Variants in EFNA2 observed in about 807,000 individuals in gnomAD.
The protein encoded by EFNA2 is ephrin-A2.
A neutral mutation model predicts 19.7 loss-of-function variants in EFNA2; 18 were observed. The ratio of observed to expected loss-of-function variants is 0.91; its 90% confidence interval spans 0.63 to 1.35. The LOEUF (loss-of-function observed/expected upper bound fraction) is 1.35, where lower values mean the gene tolerates loss of function less well. EFNA2 is among the 40% of genes most tolerant of loss of function. EFNA2 has a pLI of 0.00. For missense variants in EFNA2, 303 were observed against 296.0 expected (o/e 1.02, Z -0.17); for synonymous variants, 187 against 137.8 (o/e 1.36, Z -2.50).
At chr19:1,288,800 G>A (rs1158220302) in intron 1 of EFNA2, among the ~76,000 whole-genome samples, 3 of 152,056 alleles carry the variant, frequency 2.0e-5, no homozygotes, top group Non-Finnish European at 4.4e-5. Context: ...CTGGCTGGCC[G>A]GCCCCGCCAC....
rs2144627049 is a variant in EFNA2, at chr19:1,300,010, T to TCCGGAC, written c.*70_*75dup. On this transcript the variant is annotated 3_prime_UTR_variant, in exon 4 of 4. Transcript: ENST00000215368. ...CGCCTGGACCGCCTGACCTCGGCCC[T>TCCGGAC]CCGGACCCGGCTGCGGCCCCCGCCT... is the stretch of plus-strand genomic sequence containing the variant. The TCCGGAC allele has an allele frequency of 2.6e-6, 4 of 1,514,446 alleles. No individual in the cohort carries two copies. The African/African-American group carries it at 4.2e-5, about 16-fold the overall frequency. The allele number at this position is 1,514,446 out of a possible 1,614,324, so 93.8% of individuals were successfully genotyped here.
chr19:1,298,059 C>T (rs2144624540), intron 2 of EFNA2, among the ~76,000 whole-genome samples: 1 of 95,628 alleles, frequency 1.0e-5, no homozygotes, highest in Non-Finnish European at 1.9e-5. Context: ...GCGACAAGAG[C>T]AAAGCTCCAT....
chr19:1,299,391 T>C (rs2081529875), intron 3 of EFNA2, among the ~76,000 whole-genome samples: 1 of 151,822 alleles, frequency 6.6e-6, no homozygotes, highest in Non-Finnish European at 1.5e-5. Context: ...ACCCCGTCTC[T>C]GCTGAAAATA....
rs941555201 is a variant in EFNA2, at chr19:1,296,401, G to A, written c.454+543G>A. 6.6e-6 allele frequency among the ~76,000 whole-genome samples: 1 copy of A among 152,228 alleles called. No homozygotes were observed. The highest frequency in any genetic ancestry group is 2.4e-5 in the African/African-American group (1 of 41,460). On this transcript the variant is annotated intron_variant, in intron 2 of 3. Transcript: ENST00000215368. The surrounding 1 kb of genome is among the most constrained non-coding windows in gnomAD (Gnocchi z 4.4). ...TTGGTGGAAGCCACAGCTAGGCTGAGTGCTGGGGCTTACTCCTGCAATCCC... is the reference window on the plus strand; with the variant it reads ...TTGGTGGAAGCCACAGCTAGGCTGAATGCTGGGGCTTACTCCTGCAATCCC...
In EFNA2 at chr19:1,295,238, C is replaced by T. The variant is rs1175412199; in HGVS notation, c.141-307C>T. Among the ~76,000 whole-genome samples the T allele has an allele frequency of 1.3e-5, 2 of 152,146 alleles. No individual in the cohort carries two copies. The highest frequency in any genetic ancestry group is 2.9e-5 in the Non-Finnish European group (2 of 68,004). On this transcript the variant is annotated intron_variant, in intron 1 of 3. Transcript: ENST00000215368. This position sits in a 1 kb window ranked among gnomAD's most constrained non-coding sequence, Gnocchi z 5.8. ...ACTGACCCCTCCCCCATTCCCCGGC[C>T]TGACTTCCCCGTGCACCTGTCCCCT...
At chr19:1,293,710 G>A (rs371348783) in intron 1 of EFNA2, among the ~76,000 whole-genome samples, 19 of 152,236 alleles carry the variant, frequency 1.2e-4, no homozygotes, top group Non-Finnish European at 2.5e-4. Context: ...GTCCCTGGAC[G>A]AATCCAACCA....
chr19:1,296,858 G>T lies in EFNA2; in HGVS notation c.454+1000G>T, dbSNP rs1278429380. Among the ~76,000 whole-genome samples the T allele has an allele frequency of 6.6e-6, 1 of 152,224 alleles. No individual in the cohort carries two copies. Among genetic ancestry groups the T allele is most frequent in the East Asian group, 1.9e-4 (1 of 5,204 alleles). On this transcript the variant is annotated intron_variant, in intron 2 of 3. Transcript: ENST00000215368. The surrounding 1 kb of genome is among the most constrained non-coding windows in gnomAD (Gnocchi z 4.4). The stretch of plus-strand genomic sequence containing the variant: ...ATAGTCACATCTGCAGGACCCCATG[G>T]TGGGCCAGGCTGGGTGGGCCAGGCT...
Position 1,287,509 on chromosome 19 carries a change from C to G in EFNA2, c.140+1201C>G, listed in dbSNP as rs994299860. Among the ~76,000 whole-genome samples the G allele has an allele frequency of 1.9e-4, 29 of 152,116 alleles. No individual in the cohort carries two copies. The highest frequency in any genetic ancestry group is 2.9e-4 in the Non-Finnish European group (20 of 67,990). On this transcript the variant is annotated intron_variant, in intron 1 of 3. Transcript: ENST00000215368. This position sits in a 1 kb window ranked among gnomAD's most constrained non-coding sequence, Gnocchi z 6.2. Reference sequence around the variant, plus strand: ...TCTGTCTCCTGCTGTCCTCGGTCCCCGGGAGGAAAGTTGCATGAAGGGGTC... The same window carrying G: ...TCTGTCTCCTGCTGTCCTCGGTCCCGGGGAGGAAAGTTGCATGAAGGGGTC...
At chr19:1,292,391 C>T (rs541139412) in intron 1 of EFNA2, among the ~76,000 whole-genome samples, 281 of 152,376 alleles carry the variant, frequency 1.8e-3, no homozygotes, top group Admixed American at 3.9e-3. Flanking sequence ...GCAAAGTCCT[C>T]GCCTCTTGAC....
rs2081473699 is a variant in EFNA2, at chr19:1,287,914, C to T, written c.140+1606C>T. On this transcript the variant is annotated intron_variant, in intron 1 of 3. Transcript: ENST00000215368. The surrounding 1 kb of genome is among the most constrained non-coding windows in gnomAD (Gnocchi z 6.2). ...GGAGGAAGGTGGTCACCAGGGCCGT[C>T]CTGCTGCCCCACCTGCCACAGGGCT... Among the ~76,000 whole-genome samples, 1 of 152,228 alleles carries T rather than the reference C, an allele frequency of 6.6e-6. No homozygotes were observed. Among genetic ancestry groups the T allele is most frequent in the African/African-American group, 2.4e-5 (1 of 41,452 alleles).
chr19:1,299,778 G>C (rs765625086), intron 3 of EFNA2, 46 bp from the exon 4 acceptor site: 2 of 1,558,208 alleles, frequency 1.3e-6, no homozygotes, highest in South Asian at 2.3e-5. Context: ...GGGGAGCCCA[G>C]TGGGGTTCGG....
chr19:1,298,504 G>A (rs1246884808), intron 2 of EFNA2, 47 bp from the exon 3 acceptor site: 2 of 1,600,508 alleles, frequency 1.2e-6, no homozygotes, highest in South Asian at 1.1e-5. Context: ...GGAGGTCTCA[G>A]GCACCAAGAG....
rs1455997683 is a variant in EFNA2 at position 1,294,960 on chromosome 19, GT to G, written c.141-584del. ...GGGAATTCTTGTGGAGGGACAGCTCGTGCAGAGGCCCGGAGTCAGGAACCCC... is the reference window on the plus strand; with the variant it reads ...GGGAATTCTTGTGGAGGGACAGCTCGGCAGAGGCCCGGAGTCAGGAACCCC... On this transcript the variant is annotated intron_variant, in intron 1 of 3. Transcript: ENST00000215368. This position sits in a 1 kb window ranked among gnomAD's most constrained non-coding sequence, Gnocchi z 5.8. Among the ~76,000 whole-genome samples the G allele has an allele frequency of 6.6e-6, 1 of 152,108 alleles. No homozygotes were observed. The highest frequency in any genetic ancestry group is 1.5e-5 in the Non-Finnish European group (1 of 67,990).
chr19:1,297,306 A>G lies in EFNA2; in HGVS notation c.455-1245A>G, dbSNP rs2081520233. 6.6e-6 allele frequency among the ~76,000 whole-genome samples: 1 copy of G among 152,070 alleles called. No homozygotes were observed. The highest frequency in any genetic ancestry group is 6.5e-5 in the Admixed American group (1 of 15,274). On this transcript the variant is annotated intron_variant, in intron 2 of 3. Coordinates refer to ENST00000215368, the MANE Select transcript of EFNA2 (RefSeq NM_001405.4). This position sits in a 1 kb window ranked among gnomAD's most constrained non-coding sequence, Gnocchi z 5.0. ...TGCTCTAGTTGGATTTTTCCCTTTT[A>G]ATTCAGGGAAGAAGCGGGTGGGGGA... is the stretch of plus-strand genomic sequence containing the variant.
chr19:1,291,716 C>A (rs1459951914), intron 1 of EFNA2, among the ~76,000 whole-genome samples: 1 of 152,268 alleles, frequency 6.6e-6, no homozygotes, highest in Non-Finnish European at 1.5e-5. Context: ...ACCCCCACCC[C>A]AGTTTTGGGT....
chr19:1,289,763 C>T (rs950884512), intron 1 of EFNA2, among the ~76,000 whole-genome samples: 5 of 152,184 alleles, frequency 3.3e-5, no homozygotes, highest in African/African-American at 4.8e-5. Context: ...CAAGGGCTCA[C>T]TCCCCGAGGG....
chr19:1,290,148 A>G (rs2081484799), intron 1 of EFNA2, among the ~76,000 whole-genome samples: 1 of 151,846 alleles, frequency 6.6e-6, no homozygotes, highest in African/African-American at 2.4e-5. Context: ...GGCTCGGCCG[A>G]TAGGGCCTGG....
intron 3 of EFNA2, among the ~76,000 whole-genome samples, chr19:1,299,599 A>G (rs973372550): frequency 6.6e-6 from 1 of 150,468 alleles, no homozygotes; most frequent in Non-Finnish European, 1.5e-5. Context: ...AAAAAAAAAA[A>G]GATTAAAAGA....
At chr19:1,293,341 G>C (rs2081499841) in intron 1 of EFNA2, among the ~76,000 whole-genome samples, 1 of 152,256 alleles carries the variant, frequency 6.6e-6, no homozygotes, top group African/African-American at 2.4e-5. Flanking sequence ...GGGTCAATGA[G>C]ATGCCTGTGC....
Sources: allele counts gnomAD v4.1 joint callset (sites outside exome capture counted in the v4.1 genomes callset), GRCh38; gene constraint gnomAD v4.1.1; non-coding constraint Gnocchi (gnomAD v3.1); transcripts MANE v1.5; gene names NCBI Gene and HGNC (gene_info 2026-07-23, HGNC 2026-07-21).